The following CSMD1 variants were observed in gnomAD, a reference collection of about 807,000 sequenced individuals.
The protein encoded by CSMD1 is CUB and sushi domain-containing protein 1.
CSMD1 carries 213 observed loss-of-function variants against 417.5 expected under a neutral mutation model. The ratio of observed to expected loss-of-function variants is 0.51; its 90% CI spans 0.46 to 0.57. The LOEUF (loss-of-function observed/expected upper bound fraction) is 0.57, where lower values mean the gene tolerates loss of function less well. Ranked by LOEUF, CSMD1 falls within the 20% of genes least tolerant of loss-of-function variation. The pLI, the probability that CSMD1 is intolerant of heterozygous loss-of-function variation, is 0.00. For synonymous variants in CSMD1, 2,862 were observed against 1,736.8 expected, an observed-to-expected ratio of 1.65 and a Z score of -16.11; for missense variants, 6,923 against 4,529.7, an observed-to-expected ratio of 1.53 and a Z score of -15.17.
At chr8:4,107,902 C>T (rs989381086) in intron 3 of CSMD1, among the ~76,000 whole-genome samples, 1 of 152,166 alleles carries the variant, frequency 6.6e-6, no homozygotes, top group East Asian at 1.9e-4. Flanking sequence ...TAAATACAAA[C>T]TGAAACAAAT....
chr8:4,041,028 T>C (rs1247181603), intron 3 of CSMD1, among the ~76,000 whole-genome samples: 2 of 145,204 alleles, frequency 1.4e-5, no homozygotes, highest in African/African-American at 5.1e-5. Context: ...TTTTTTTTTT[T>C]TTTTTTGAGA....
At chr8:3,750,577 A>C (rs374860825) in intron 6 of CSMD1, among the ~76,000 whole-genome samples, 7 of 152,264 alleles carry the variant, frequency 4.6e-5, no homozygotes, top group African/African-American at 1.7e-4. Flanking sequence ...TAGTTCAGAT[A>C]AAAGGTACAA....
chr8:3,044,705 A>G (rs1811325012), intron 50 of CSMD1, among the ~76,000 whole-genome samples: 1 of 152,212 alleles, frequency 6.6e-6, no homozygotes, highest in East Asian at 1.9e-4. Flanking sequence ...AAATGGAAGC[A>G]TAATTCCTTA....
rs1335616776 is a variant in CSMD1 at position 3,290,480 on chromosome 8, G to A, written c.3951-6134C>T. 7.5e-5 allele frequency among the ~76,000 whole-genome samples: 5 copies of A among 66,872 alleles called. 1 individual carries two copies. In the Admixed American group the frequency reaches 7.6e-4, roughly 10 times the overall value. 43.9% of individuals were successfully genotyped at this position (66,872 alleles called of 152,430 possible). On this transcript the variant is annotated intron_variant, in intron 25 of 69. Coordinates refer to ENST00000635120, the MANE Select transcript of CSMD1 (RefSeq NM_033225.6). Reference sequence around the variant, plus strand: ...ATGAGCATGGAATGTTCTTCCATTTGTTTGTATCCTTTTATTTCCTTGAGC... The same window carrying A: ...ATGAGCATGGAATGTTCTTCCATTTATTTGTATCCTTTTATTTCCTTGAGC...
chr8:3,841,732 C>G (rs751195057), intron 5 of CSMD1, among the ~76,000 whole-genome samples: 5 of 152,056 alleles, frequency 3.3e-5, no homozygotes, highest in Admixed American at 6.6e-5. Context: ...CAATAGTTCC[C>G]TCCTAGCTTT....
chr8:4,070,166 C>A (rs1170705635), intron 3 of CSMD1, among the ~76,000 whole-genome samples: 1 of 151,936 alleles, frequency 6.6e-6, no homozygotes, highest in Admixed American at 6.5e-5. Flanking sequence ...ATAAAGAATG[C>A]AATTTTAGAG....
chr8:4,804,922 C>G (rs75172897), intron 1 of CSMD1, among the ~76,000 whole-genome samples: 52 of 152,282 alleles, frequency 3.4e-4, no homozygotes, highest in African/African-American at 1.2e-3. Flanking sequence ...AAAGAAAACA[C>G]TTAAAGCGGT....
At chr8:4,709,603 G>C (rs992958066) in intron 1 of CSMD1, among the ~76,000 whole-genome samples, 4 of 152,184 alleles carry the variant, frequency 2.6e-5, no homozygotes, top group Admixed American at 6.5e-5. Flanking sequence ...GCTGTCCAAA[G>C]GCAAGAAACA....
intron 25 of CSMD1, among the ~76,000 whole-genome samples, chr8:3,293,344 C>G (rs182740184): frequency 6.6e-6 from 1 of 152,068 alleles, no homozygotes; most frequent in Non-Finnish European, 1.5e-5. Context: ...GTGGCGTTCT[C>G]TGGATTTCCT....
intron 2 of CSMD1, among the ~76,000 whole-genome samples, chr8:4,527,998 G>C (rs1316166630): frequency 4.6e-5 from 7 of 152,180 alleles, no homozygotes; most frequent in East Asian, 1.9e-4. Flanking sequence ...CTCTCACTCA[G>C]AGCCCTGGGT....
At chr8:4,022,096 C>A (rs78341167) in intron 4 of CSMD1, among the ~76,000 whole-genome samples, 1 of 145,212 alleles carries the variant, frequency 6.9e-6, no homozygotes, top group African/African-American at 2.5e-5. Flanking sequence ...CACACACACA[C>A]ATATATATAT....
In CSMD1 at chr8:2,938,832, AGAGCAGG is replaced by A. The variant is rs534392361; in HGVS notation, c.10536-95_10536-89del. On this transcript the variant is annotated intron_variant, in intron 69 of 69. Coordinates refer to ENST00000635120, the MANE Select transcript of CSMD1 (RefSeq NM_033225.6). ...ACTGTGTGCAGGAGACAACGTCTAC[AGAGCAGG>A]GAGCAGTATAGCCAGGACGTTTGCA... The A allele has an allele frequency of 1.9e-4, 227 of 1,186,678 alleles. No individual in the cohort carries two copies. The African/African-American group carries it at 3.1e-3, about 16-fold the overall frequency. The allele number at this position is 1,186,678 out of a possible 1,614,324, so 73.5% of individuals were successfully genotyped here.
chr8:4,382,814 C>A (rs1365516207), intron 3 of CSMD1, among the ~76,000 whole-genome samples: 2 of 152,032 alleles, frequency 1.3e-5, no homozygotes. Context: ...TGCATTAAAC[C>A]AATATCATTA....
chr8:4,072,033 A>G (rs1272817393), intron 3 of CSMD1, among the ~76,000 whole-genome samples: 1 of 152,280 alleles, frequency 6.6e-6, no homozygotes. Flanking sequence ...TCAGAAAGAA[A>G]GTGGATGTTA....
At chr8:3,091,285 TCAG>T (rs1286183819) in intron 48 of CSMD1, among the ~76,000 whole-genome samples, 1 of 152,124 alleles carries the variant, frequency 6.6e-6, no homozygotes, top group Admixed American at 6.6e-5. Flanking sequence ...AATATGAATT[TCAG>T]CAGTTTATAA....
intron 5 of CSMD1, among the ~76,000 whole-genome samples, chr8:3,909,005 T>A (rs1225064171): frequency 1.3e-5 from 2 of 152,218 alleles, no homozygotes; most frequent in African/African-American, 4.8e-5. Context: ...CCTTCACTAC[T>A]GTAGGAGGCT....
chr8:3,105,727 T>C (rs1243483931), intron 46 of CSMD1, among the ~76,000 whole-genome samples: 1 of 152,240 alleles, frequency 6.6e-6, no homozygotes, highest in Non-Finnish European at 1.5e-5. Flanking sequence ...ACCAGCTAAT[T>C]ATATGCATGC....
At chr8:3,971,698 A>T (rs1391122623) in intron 5 of CSMD1, among the ~76,000 whole-genome samples, 1 of 152,196 alleles carries the variant, frequency 6.6e-6, no homozygotes, top group African/African-American at 2.4e-5. Context: ...GGATGCAAGG[A>T]TACGAGCCTC....
intron 3 of CSMD1, among the ~76,000 whole-genome samples, chr8:4,102,136 A>C (rs1474514308): frequency 6.6e-6 from 1 of 152,164 alleles, no homozygotes; most frequent in Non-Finnish European, 1.5e-5. Context: ...AAAAACAAAA[A>C]CAACCTCAAA....
Sources: gnomAD v4.1 joint callset for allele counts (sites outside exome capture counted in the v4.1 genomes callset) on GRCh38, gnomAD v4.1.1 for gene constraint, MANE v1.5 for transcripts, NCBI Gene and HGNC (gene_info 2026-07-23, HGNC 2026-07-21) for gene names.